Variants in RASGRF1 observed in about 807,000 individuals in gnomAD.
RASGRF1 encodes the protein Ras protein specific guanine nucleotide releasing factor 1.
Under a neutral mutation model 138.7 loss-of-function variants are expected in RASGRF1, and 40 were observed. That is an observed-to-expected ratio of 0.29 (90% CI 0.22 to 0.38). The LOEUF is 0.38. Among genes scored for constraint, RASGRF1 ranks in the 10% least tolerant of loss-of-function variants. The pLI, the probability that RASGRF1 is intolerant of heterozygous loss-of-function variation, is 1.00. For synonymous variants in RASGRF1, 614 were observed against 663.2 expected (o/e 0.93, Z 1.14); for missense variants, 1,108 against 1,650.4 (o/e 0.67, Z 5.69).
At chr15:79,024,844 CAG>C (rs1469031500) in intron 10 of RASGRF1, among the ~76,000 whole-genome samples, 2 of 150,960 alleles carry the variant, frequency 1.3e-5, no homozygotes, top group African/African-American at 4.9e-5. Flanking sequence ...CTAATACACA[CAG>C]AGAGATATAA....
At chr15:78,965,711 C>T (rs551037516) in intron 26 of RASGRF1, among the ~76,000 whole-genome samples, 1 of 152,000 alleles carries the variant, frequency 6.6e-6, no homozygotes, top group Admixed American at 6.6e-5. Flanking sequence ...ATTAGTCGGG[C>T]GTGGTGGCAG....
chr15:79,030,593 C>G (rs1169961283), intron 8 of RASGRF1, among the ~76,000 whole-genome samples: 1 of 152,198 alleles, frequency 6.6e-6, no homozygotes, highest in East Asian at 1.9e-4. Flanking sequence ...CCCAAGAAAG[C>G]TCCTGAACTC....
chr15:79,012,462 T>A (rs1359856210), intron 13 of RASGRF1: 1 of 1,455,202 alleles, frequency 6.9e-7, no homozygotes, highest in South Asian at 1.2e-5. Flanking sequence ...CACTAAACGA[T>A]GAATTTCCCG....
At position 79,090,317 on chromosome 15, in the gene RASGRF1, C is replaced by T. The variant is rs1473538997; in HGVS notation, c.182G>A (p.Arg61Gln). The change falls in exon 1 of 27, where the codon CGG (arginine) becomes CAG (glutamine). Residue 61 changes from arginine to glutamine, a missense_variant. Coordinates refer to ENST00000558480, the MANE Select transcript of RASGRF1 (RefSeq NM_001145648.3). ...CTCCAGCAGGTAAAGCCCCGAGGGCCGCGAGCTCGAGTCGCTCTCGAAGTA... is the reference window on the plus strand; with the variant it reads ...CTCCAGCAGGTAAAGCCCCGAGGGCTGCGAGCTCGAGTCGCTCTCGAAGTA... ...LFYFESDSSS[R>Q]PSGLYLLEGC... is the part of the protein sequence containing the mutation. 2 of 1,613,692 alleles carry T rather than the reference C, an allele frequency of 1.2e-6. No individual in the cohort carries two copies. The highest frequency in any genetic ancestry group is 1.7e-6 in the Non-Finnish European group (2 of 1,179,964).
At chr15:78,999,667 G>T in intron 17 of RASGRF1, 76 bp downstream of exon 17, 1 of 1,539,162 alleles carries the variant, frequency 6.5e-7, no homozygotes, top group East Asian at 2.3e-5. Flanking sequence ...GCAAGTCCCC[G>T]GGACCATGGC....
rs368456603 is a variant in RASGRF1 at position 79,058,320 on chromosome 15, C to T, written c.531+14G>A. The T allele has an allele frequency of 1.9e-5, 30 of 1,610,578 alleles. No homozygotes were observed. The highest frequency in any genetic ancestry group is 2.4e-5 in the Non-Finnish European group (28 of 1,179,322). Reference sequence around the variant, plus strand: ...GTGCCTAGGGCCTGGGCCCACCCCCCAGCCCGCAGTCACCTCTGCCTTCAG... The same window carrying T: ...GTGCCTAGGGCCTGGGCCCACCCCCTAGCCCGCAGTCACCTCTGCCTTCAG... On this transcript the variant is annotated intron_variant, in intron 3 of 26. Coordinates refer to ENST00000558480, the MANE Select transcript of RASGRF1 (RefSeq NM_001145648.3).
intron 23 of RASGRF1, 105 bp from the exon 24 acceptor site, chr15:78,980,804 A>G (rs2056009660): frequency 2.4e-6 from 2 of 837,500 alleles, no homozygotes; most frequent in Non-Finnish European, 3.6e-6. Flanking sequence ...GGGCTCCAGA[A>G]TTGCCTTCCC....
intron 5 of RASGRF1, among the ~76,000 whole-genome samples, chr15:79,036,357 C>G (rs1490369166): frequency 6.6e-6 from 1 of 152,208 alleles, no homozygotes; most frequent in Non-Finnish European, 1.5e-5. Flanking sequence ...GCCGGACCCT[C>G]TCTGTCCCTG....
chr15:78,967,486 C>A (rs2055666180), intron 26 of RASGRF1, among the ~76,000 whole-genome samples: 1 of 151,588 alleles, frequency 6.6e-6, no homozygotes. Flanking sequence ...GAGGTCGAGG[C>A]TACAGTGAGC....
intron 9 of RASGRF1, among the ~76,000 whole-genome samples, chr15:79,026,225 C>A (rs1203101721): frequency 6.6e-6 from 1 of 152,230 alleles, no homozygotes; most frequent in Non-Finnish European, 1.5e-5. Flanking sequence ...GGCTTGGGCA[C>A]ACCTCCCAGC....
intron 26 of RASGRF1, among the ~76,000 whole-genome samples, chr15:78,965,640 C>T (rs2055629158): frequency 6.6e-6 from 1 of 152,278 alleles, no homozygotes; most frequent in Middle Eastern, 3.4e-3. Context: ...CACTTGAGGT[C>T]AGGAGTTTGA....
In RASGRF1 at chr15:78,995,764, G is replaced by T; in HGVS notation, c.3003C>A (p.Ile1001=). 1 of 1,614,178 alleles carries T rather than the reference G, an allele frequency of 6.2e-7. No individual in the cohort carries two copies. The highest frequency in any genetic ancestry group is 8.5e-7 in the Non-Finnish European group (1 of 1,180,028). Reference sequence around the variant, plus strand: ...CCATCTGCGTGATCTCCTCCAGCGTGATCTGGTTGTCACCTGGGTCCTCCT... The same window carrying T: ...CCATCTGCGTGATCTCCTCCAGCGTTATCTGGTTGTCACCTGGGTCCTCCT... ...LTQEDPGDNQ[I]TLEEITQMAE... The change falls in exon 20 of 27, where the codon ATC becomes ATA. Residue 1001 remains isoleucine, a synonymous_variant. Transcript: ENST00000558480.
At chr15:79,040,470 G>T (rs946671485) in intron 5 of RASGRF1, among the ~76,000 whole-genome samples, 1 of 151,874 alleles carries the variant, frequency 6.6e-6, no homozygotes, top group Non-Finnish European at 1.5e-5. Context: ...CACCCTGTAG[G>T]AACTGCCTCT....
At chr15:79,080,011 G>T (rs1858177612) in intron 1 of RASGRF1, among the ~76,000 whole-genome samples, 1 of 152,212 alleles carries the variant, frequency 6.6e-6, no homozygotes, top group South Asian at 2.1e-4. Flanking sequence ...GCCCTATACT[G>T]GCGGTGCCTC....
chr15:79,000,200 A>C (rs952650707), intron 16 of RASGRF1, among the ~76,000 whole-genome samples: 5 of 152,166 alleles, frequency 3.3e-5, no homozygotes, highest in African/African-American at 1.2e-4. Flanking sequence ...TGCAGCTCTC[A>C]ACCCCTTCAC....
rs147963464 is a variant in RASGRF1, at chr15:79,016,061, C to A, written c.1744-652G>T. The stretch of plus-strand genomic sequence containing the variant: ...TTTGAATAGGAAGTACCCGCCCAAA[C>A]AAAAATAAAAACTGCATCTCTTGGG... On this transcript the variant is annotated intron_variant, in intron 12 of 26. Coordinates refer to ENST00000558480, the MANE Select transcript of RASGRF1 (RefSeq NM_001145648.3). Among the ~76,000 whole-genome samples, 4 of 152,300 alleles carry A rather than the reference C, an allele frequency of 2.6e-5. No individual in the cohort carries two copies. The East Asian group carries it at 7.7e-4, about 29-fold the overall frequency.
Position 79,020,051 on chromosome 15 carries a change from C to T in RASGRF1, c.1596G>A (p.Thr532=), listed in dbSNP as rs140140659. 48 of 1,614,134 alleles carry T rather than the reference C, an allele frequency of 3.0e-5. No individual in the cohort carries two copies. The highest frequency in any genetic ancestry group is 2.7e-4 in the African/African-American group (20 of 75,064). The change falls in exon 11 of 27, where the codon ACG becomes ACA. Residue 532 remains threonine, a synonymous_variant. Coordinates refer to ENST00000558480, the MANE Select transcript of RASGRF1 (RefSeq NM_001145648.3). The part of the protein sequence containing the change: ...DCTLLEEPES[T]EEEAKGSGQD... ...AGCTTTCACACTCACCTTCCTCCTC[C>T]GTGCTTTCTGGCTCCTCCAATAAAG...
Position 79,090,763 on chromosome 15 carries a change from C to T in RASGRF1, c.-265G>A, listed in dbSNP as rs1184985666. On this transcript the variant is annotated 5_prime_UTR_variant, in exon 1 of 27. Coordinates refer to ENST00000558480, the MANE Select transcript of RASGRF1 (RefSeq NM_001145648.3). ...ATGCCGCCCGACCCTCCTCCGGTGC[C>T]GGGCAAACTGAGGGACTGGCGATCT... 3 of 498,696 alleles carry T rather than the reference C, an allele frequency of 6.0e-6. No homozygotes were observed. The highest frequency in any genetic ancestry group is 3.4e-5 in the East Asian group (1 of 29,134). The allele number at this position is 498,696 out of a possible 1,614,324, so 30.9% of individuals were successfully genotyped here.
chr15:79,057,014 A>G (rs1040297834), intron 3 of RASGRF1, among the ~76,000 whole-genome samples: 4 of 152,054 alleles, frequency 2.6e-5, no homozygotes, highest in African/African-American at 9.7e-5. Flanking sequence ...AGCTCCTTGG[A>G]TGGGTCCTTG....
Sources: gnomAD v4.1 joint callset for allele counts (sites outside exome capture counted in the v4.1 genomes callset) on GRCh38, gnomAD v4.1.1 for gene constraint, MANE v1.5 for transcripts, NCBI Gene and HGNC (gene_info 2026-07-23, HGNC 2026-07-21) for gene names.